The following ADGRL2 variants were observed in gnomAD, a reference collection of about 807,000 sequenced individuals.
ADGRL2 encodes the protein calcium-independent alpha-latrotoxin receptor 2.
A neutral mutation model predicts 157.4 loss-of-function variants in ADGRL2; 44 were observed. That is an observed-to-expected ratio of 0.28 (90% CI 0.22 to 0.36). The LOEUF is 0.36. Among genes scored for constraint, ADGRL2 ranks in the 10% least tolerant of loss-of-function variants. ADGRL2 has a pLI of 1.00. For missense variants in ADGRL2, 1,510 were observed against 1,768.9 expected, an observed-to-expected ratio of 0.85 and a Z score of 2.63; for synonymous variants, 585 against 624.7, an observed-to-expected ratio of 0.94 and a Z score of 0.95.
intron 3 of ADGRL2, among the ~76,000 whole-genome samples, chr1:81,631,225 G>GT (rs111923568): frequency 0.02 from 3,059 of 149,858 alleles, 78 homozygotes; most frequent in African/African-American, 0.068. Context: ...CTTTTCTTTT[G>GT]TTTTTTTTTG....
At chr1:81,666,780 A>G (rs561881910) in intron 3 of ADGRL2, among the ~76,000 whole-genome samples, 1 of 152,330 alleles carries the variant, frequency 6.6e-6, no homozygotes, top group African/African-American at 2.4e-5. Flanking sequence ...TCCCGGCTCA[A>G]ACTAACCCAC....
chr1:81,632,449 G>T (rs1190354194), intron 3 of ADGRL2, among the ~76,000 whole-genome samples: 1 of 152,094 alleles, frequency 6.6e-6, no homozygotes, highest in Non-Finnish European at 1.5e-5. Context: ...GCAGCTTGGA[G>T]TGTTTAGGGT....
intron 3 of ADGRL2, among the ~76,000 whole-genome samples, chr1:81,674,126 ATTT>A (rs1180618734): frequency 5.3e-5 from 8 of 152,222 alleles, no homozygotes; most frequent in Non-Finnish European, 1.2e-4. Flanking sequence ...TTAATATAAA[ATTT>A]TAAGAATTTT....
At chr1:81,830,385 A>C (rs185911830) in intron 1 of ADGRL2, among the ~76,000 whole-genome samples, 1 of 152,364 alleles carries the variant, frequency 6.6e-6, no homozygotes, top group Admixed American at 6.5e-5. Flanking sequence ...AGATAACACT[A>C]TATTGACATA....
At chr1:81,515,381 G>A (rs947742336) in intron 2 of ADGRL2, among the ~76,000 whole-genome samples, 1 of 151,208 alleles carries the variant, frequency 6.6e-6, no homozygotes, top group Non-Finnish European at 1.5e-5. Context: ...ACATGATAAT[G>A]GTGCCTTCCA....
rs779012595 is a variant in ADGRL2, at chr1:81,955,938, T to C, written c.1895T>C (p.Met632Thr). 6 of 1,608,032 alleles carry C rather than the reference T, an allele frequency of 3.7e-6. No individual in the cohort carries two copies. The highest frequency in any genetic ancestry group is 5.1e-6 in the Non-Finnish European group (6 of 1,177,348). Reference sequence around the variant, plus strand: ...GAAGCTTTGGAATCATGGAAACATATGAATTCTTCTGAACAAGCACATACT... The same window carrying C: ...GAAGCTTTGGAATCATGGAAACATACGAATTCTTCTGAACAAGCACATACT... ...RPEALESWKH[M>T]NSSEQAHTAT... The change falls in exon 11 of 24, where the codon ATG becomes ACG. Residue 632 changes from methionine (M) to threonine (T), a missense_variant. Physicochemically the swap from Met to Thr is moderately conservative, Grantham distance 81. Transcript: ENST00000686636.
intron 2 of ADGRL2, among the ~76,000 whole-genome samples, chr1:81,905,947 A>AGTGT (rs3046460): frequency 0.16 from 22,728 of 144,440 alleles, 1,989 homozygotes; most frequent in East Asian, 0.35. Flanking sequence ...AAAAAAGCAG[A>AGTGT]GTGTGTGTGT....
intron 2 of ADGRL2, among the ~76,000 whole-genome samples, chr1:81,877,615 G>C (rs1325022345): frequency 6.6e-6 from 1 of 151,888 alleles, no homozygotes; most frequent in African/African-American, 2.4e-5. Flanking sequence ...TATTTTTAGA[G>C]CCACATTTTA....
At chr1:81,939,944 GTTAC>G (rs376332439) in intron 4 of ADGRL2, among the ~76,000 whole-genome samples, 5 of 151,042 alleles carry the variant, frequency 3.3e-5, no homozygotes, top group African/African-American at 4.8e-5. Context: ...ACTTTTGAGT[GTTAC>G]TTACTTTTCA....
chr1:81,570,374 A>G (rs118025980), intron 2 of ADGRL2, among the ~76,000 whole-genome samples: 4,101 of 152,134 alleles, frequency 0.027, 79 homozygotes, highest in East Asian at 0.038. Flanking sequence ...AGGATATTAC[A>G]TTCGTTTGTT....
At chr1:81,867,924 T>C (rs962926518) in intron 2 of ADGRL2, among the ~76,000 whole-genome samples, 1 of 152,204 alleles carries the variant, frequency 6.6e-6, no homozygotes, top group Non-Finnish European at 1.5e-5. Context: ...TTGGAGCTTA[T>C]AGACTCTTTG....
At chr1:81,713,676 C>T (rs2084012646) in intron 1 of ADGRL2, among the ~76,000 whole-genome samples, 1 of 152,148 alleles carries the variant, frequency 6.6e-6, no homozygotes, top group Admixed American at 6.5e-5. Context: ...CTCAACAAGT[C>T]TGTGAGCTAT....
rs554375546 is a variant in ADGRL2 at position 81,634,509 on chromosome 1, C to T, written c.-143+53529C>T. ...ATTATGTTAGCTTTAAGTTAGCTAT[C>T]TTGTTTTTTTTTTTTTGGTTTTTTT... On this transcript the variant is annotated intron_variant, in intron 3 of 24. Coordinates refer to the ADGRL2 transcript ENST00000370721. 7.2e-5 allele frequency among the ~76,000 whole-genome samples: 7 copies of T among 96,678 alleles called. No homozygotes were observed. In the South Asian group the frequency reaches 1.1e-3, roughly 15 times the overall value. 63.4% of individuals were successfully genotyped at this position (96,678 alleles called of 152,430 possible).
chr1:81,495,930 G>T (rs2078721470), intron 2 of ADGRL2, among the ~76,000 whole-genome samples: 2 of 152,096 alleles, frequency 1.3e-5, no homozygotes, highest in African/African-American at 4.8e-5. Context: ...TTGTCAAGTT[G>T]AATATTTAAC....
intron 2 of ADGRL2, among the ~76,000 whole-genome samples, chr1:81,545,908 C>T (rs766857958): frequency 2.0e-5 from 3 of 152,156 alleles, no homozygotes; most frequent in Non-Finnish European, 4.4e-5. Flanking sequence ...CTGGCCCTGA[C>T]CATCACTACA....
intron 1 of ADGRL2, among the ~76,000 whole-genome samples, chr1:81,440,272 G>A (rs1195448071): frequency 4.6e-5 from 7 of 152,110 alleles, no homozygotes; most frequent in South Asian, 2.1e-4. Context: ...GGGTTTCACC[G>A]GGTACCCACC....
At chr1:81,547,810 A>G (rs2080054199) in intron 2 of ADGRL2, among the ~76,000 whole-genome samples, 1 of 152,162 alleles carries the variant, frequency 6.6e-6, no homozygotes, top group African/African-American at 2.4e-5. Flanking sequence ...GTTTGCAACA[A>G]GGGAACTTGA....
intron 1 of ADGRL2, among the ~76,000 whole-genome samples, chr1:81,429,115 C>A (rs1043203281): frequency 7.2e-6 from 1 of 139,096 alleles, no homozygotes. Context: ...TTGTGAACTA[C>A]CCATGAGGCA....
chr1:81,415,188 A>C (rs2077012235), intron 1 of ADGRL2, among the ~76,000 whole-genome samples: 1 of 146,954 alleles, frequency 6.8e-6, no homozygotes, highest in Admixed American at 6.7e-5. Flanking sequence ...TTTACATAGA[A>C]TCCAACCCAC....
Sources: allele counts gnomAD v4.1 joint callset (sites outside exome capture counted in the v4.1 genomes callset), GRCh38; gene constraint gnomAD v4.1.1; transcripts MANE v1.5; gene names NCBI Gene and HGNC (gene_info 2026-07-23, HGNC 2026-07-21).